WARS2: variants seen among roughly 807,000 people sequenced by gnomAD.
WARS2 encodes the protein tryptophanyl tRNA synthetase 2, mitochondrial, also known as tryptophan--tRNA ligase, mitochondrial.
Under a neutral mutation model 36.5 loss-of-function variants are expected in WARS2, and 28 were observed. That is an observed-to-expected ratio of 0.77 (90% confidence interval 0.57 to 1.05). The LOEUF is 1.05. Ranked by LOEUF, WARS2 falls within the 50% of genes least tolerant of loss-of-function variation. WARS2 has a pLI of 0.00. For synonymous variants in WARS2, 174 were observed against 178.4 expected, an observed-to-expected ratio of 0.98 and a Z score of 0.20; for missense variants, 435 against 456.8, an observed-to-expected ratio of 0.95 and a Z score of 0.44.
At chr1:119,078,792 G>C (rs1651964289) in intron 1 of WARS2, among the ~76,000 whole-genome samples, 1 of 151,794 alleles carries the variant, frequency 6.6e-6, no homozygotes, top group Non-Finnish European at 1.5e-5. Context: ...ATTATCTTTT[G>C]ACAAAGATAA....
chr1:119,132,148 T>G (rs1230966991), intron 1 of WARS2, among the ~76,000 whole-genome samples: 1 of 152,122 alleles, frequency 6.6e-6, no homozygotes, highest in Non-Finnish European at 1.5e-5. Context: ...TGAGGTTTAG[T>G]GAAGTCAAAA....
chr1:119,112,353 T>G (rs116408783), intron 1 of WARS2, among the ~76,000 whole-genome samples: 2 of 152,110 alleles, frequency 1.3e-5, no homozygotes, highest in African/African-American at 4.8e-5. Flanking sequence ...TAAAGAAAGA[T>G]GTAGAGCCAA....
At chr1:119,118,218 G>C (rs587654989) in intron 1 of WARS2, among the ~76,000 whole-genome samples, 1 of 152,024 alleles carries the variant, frequency 6.6e-6, no homozygotes, top group East Asian at 1.9e-4. Context: ...CAGTTAAATA[G>C]ATATGGTAAA....
At chr1:119,109,523 G>C (rs1654478653) in intron 1 of WARS2, among the ~76,000 whole-genome samples, 1 of 151,756 alleles carries the variant, frequency 6.6e-6, no homozygotes, top group South Asian at 2.1e-4. Context: ...CTTTTAGCTA[G>C]TTTCTTTTAT....
chr1:119,140,480 A>G, intron 1 of WARS2, 75 bp downstream of exon 1: 1 of 1,388,550 alleles, frequency 7.2e-7, no homozygotes, highest in Non-Finnish European at 1.0e-6. Context: ...GAGGAGAGAA[A>G]TAAATAGAGG....
At chr1:119,085,292 G>A in intron 1 of WARS2, 3 of 1,081,802 alleles carry the variant, frequency 2.8e-6, no homozygotes, top group Non-Finnish European at 4.3e-6. Flanking sequence ...TCCTGGCCTT[G>A]GGGAGCTTCC....
At chr1:119,084,173 G>A (rs587761970) in intron 1 of WARS2, among the ~76,000 whole-genome samples, 1 of 53,720 alleles carries the variant, frequency 1.9e-5, no homozygotes, top group African/African-American at 7.9e-5. Context: ...ACACAACTAC[G>A]TCGGCTAATT....
chr1:119,126,636 C>T, intron 1 of WARS2: 1 of 703,474 alleles, frequency 1.4e-6, no homozygotes, highest in Non-Finnish European at 2.6e-6. Context: ...ATTACCTTCA[C>T]CACGAAGCTC....
chr1:119,066,274 G>A (rs751797925), intron 2 of WARS2, among the ~76,000 whole-genome samples: 11 of 151,976 alleles, frequency 7.2e-5, no homozygotes, highest in East Asian at 3.9e-4. Context: ...TCAGGAGATC[G>A]AGAACCATCC....
chr1:119,076,403 G>A lies in WARS2; in HGVS notation c.295C>T (p.Leu99Phe). 1.2e-6 allele frequency: 2 copies of A among 1,614,136 alleles called. No individual in the cohort carries two copies. The highest frequency in any genetic ancestry group is 1.7e-6 in the Non-Finnish European group (2 of 1,180,020). ...TCCGGGTTTATGCCACAGGCAAGAA[G>A]AACAGCAGTCATGTCCAGGATGCTC... ...RQSILDMTAVLLACGINPEKS... is the reference protein window; with the variant it reads ...RQSILDMTAVFLACGINPEKS... The change falls in exon 2 of 6, where the codon CTT becomes TTT. Residue 99 changes from leucine (L) to phenylalanine (F), a missense_variant. Leu to Phe is a conservative substitution (Grantham distance 22). Transcript: ENST00000235521.
intron 2 of WARS2, among the ~76,000 whole-genome samples, chr1:119,061,853 A>G (rs1018581995): frequency 2.6e-5 from 4 of 152,194 alleles, no homozygotes; most frequent in African/African-American, 7.2e-5. Flanking sequence ...CAGATAAAAC[A>G]GTATGTGTTA....
chr1:119,084,667 AAC>A (rs1391212236), intron 1 of WARS2, among the ~76,000 whole-genome samples: 31 of 152,202 alleles, frequency 2.0e-4, no homozygotes, highest in Non-Finnish European at 2.9e-4. Flanking sequence ...CTGAGCTCTA[AAC>A]ATCAAACACA....
At position 119,075,981 on chromosome 1, in the gene WARS2, G is replaced by T. The variant is rs190655388; in HGVS notation, c.348+369C>A. Reference sequence around the variant, plus strand: ...AACATTGGAATTACATAAAACTATTGGTCACTAACTTCTATCCTTGATCAC... The same window carrying T: ...AACATTGGAATTACATAAAACTATTTGTCACTAACTTCTATCCTTGATCAC... On this transcript the variant is annotated intron_variant, in intron 2 of 5. Coordinates refer to ENST00000235521, the MANE Select transcript of WARS2 (RefSeq NM_015836.4). Among the ~76,000 whole-genome samples, 1,194 of 152,160 alleles carry T rather than the reference G, an allele frequency of 7.8e-3. 14 individuals carry two copies. The highest frequency in any genetic ancestry group is 0.027 in the African/African-American group (1,136 of 41,498).
At chr1:119,080,078 G>A (rs1201329887) in intron 1 of WARS2, among the ~76,000 whole-genome samples, 2 of 152,056 alleles carry the variant, frequency 1.3e-5, no homozygotes, top group African/African-American at 4.8e-5. Flanking sequence ...ATAAGCAAAG[G>A]AATTTTCAGT....
intron 2 of WARS2, among the ~76,000 whole-genome samples, chr1:119,062,040 G>A (rs1650426144): frequency 6.6e-6 from 1 of 152,154 alleles, no homozygotes; most frequent in Non-Finnish European, 1.5e-5. Flanking sequence ...TATATGAAAT[G>A]TAAAAATAGA....
At chr1:119,034,455 C>A (rs374139047) in intron 4 of WARS2, among the ~76,000 whole-genome samples, 1 of 152,188 alleles carries the variant, frequency 6.6e-6, no homozygotes, top group Non-Finnish European at 1.5e-5. Context: ...TCAACACCAG[C>A]ATGACAGGAT....
chr1:119,092,553 C>T (rs765405957), intron 1 of WARS2, among the ~76,000 whole-genome samples: 1 of 152,134 alleles, frequency 6.6e-6, no homozygotes, highest in Non-Finnish European at 1.5e-5. Flanking sequence ...ACTGTATTCT[C>T]AATTCTGGCT....
chr1:119,035,837 G>A (rs1438674144), intron 4 of WARS2, among the ~76,000 whole-genome samples: 1 of 152,160 alleles, frequency 6.6e-6, no homozygotes, highest in Non-Finnish European at 1.5e-5. Context: ...AACAAGAACA[G>A]AACAATCAAT....
chr1:119,111,283 G>T (rs767373179), intron 1 of WARS2, among the ~76,000 whole-genome samples: 6 of 152,158 alleles, frequency 3.9e-5, no homozygotes, highest in Non-Finnish European at 5.9e-5. Context: ...GTTGTAGGGG[G>T]TGATGAAGTA....
Sources: allele counts gnomAD v4.1 joint callset (sites outside exome capture counted in the v4.1 genomes callset), GRCh38; gene constraint gnomAD v4.1.1; transcripts MANE v1.5; gene names NCBI Gene and HGNC (gene_info 2026-07-23, HGNC 2026-07-21).